XIRP2: variants seen among roughly 807,000 people sequenced by gnomAD.
XIRP2 encodes the protein xin actin-binding repeat-containing protein 2.
Under a neutral mutation model 277.0 loss-of-function variants are expected in XIRP2, and 236 were observed. The ratio of observed to expected loss-of-function variants is 0.85; its 90% CI spans 0.77 to 0.95. The LOEUF is 0.95. Ranked by LOEUF, XIRP2 falls within the 40% of genes least tolerant of loss-of-function variation. The pLI, the probability that XIRP2 is intolerant of heterozygous loss-of-function variation, is 0.00. For synonymous variants in XIRP2, 1,490 were observed against 1,416.5 expected (o/e 1.05, Z -1.17); for missense variants, 4,640 against 4,157.5 (o/e 1.12, Z -3.19).
intron 2 of XIRP2, among the ~76,000 whole-genome samples, chr2:167,083,940 C>G (rs1397907336): frequency 6.6e-6 from 1 of 151,302 alleles, no homozygotes; most frequent in African/African-American, 2.4e-5. Context: ...ATTTCCTTCT[C>G]CTGCCTAATT....
In XIRP2 at chr2:167,077,937, A is replaced by G. The variant is rs1689618312; in HGVS notation, c.409-57972A>G. ...GCCTCTGGCTTTTTTCTTTTTGCTT[A>G]GGATTGCTTCGGCTATTTGGGCTTT... On this transcript the variant is annotated intron_variant, in intron 2 of 10. Transcript: ENST00000409195. Among the ~76,000 whole-genome samples the G allele has an allele frequency of 6.6e-5, 10 of 152,330 alleles. No homozygotes were observed. The South Asian group carries it at 2.1e-3, about 32-fold the overall frequency.
chr2:167,097,122 T>C (rs1008079828), intron 2 of XIRP2, among the ~76,000 whole-genome samples: 1 of 152,178 alleles, frequency 6.6e-6, no homozygotes, highest in Non-Finnish European at 1.5e-5. Context: ...GCCTCTTTGA[T>C]CTGTCTAATA....
At chr2:166,913,132 G>A (rs1354123870) in intron 2 of XIRP2, among the ~76,000 whole-genome samples, 1 of 152,152 alleles carries the variant, frequency 6.6e-6, no homozygotes, top group Non-Finnish European at 1.5e-5. Flanking sequence ...CTTCAAAGCT[G>A]TCAGACAGGG....
chr2:167,252,205 G>A (rs1180703271), intron 9 of XIRP2, among the ~76,000 whole-genome samples: 1 of 151,980 alleles, frequency 6.6e-6, no homozygotes, highest in Non-Finnish European at 1.5e-5. Flanking sequence ...GGACATATTT[G>A]TCAAGGTAAA....
chr2:166,940,480 T>C (rs1332472126), intron 2 of XIRP2, among the ~76,000 whole-genome samples: 1 of 152,246 alleles, frequency 6.6e-6, no homozygotes, highest in African/African-American at 2.4e-5. Flanking sequence ...TTTGTTCTGT[T>C]GCTGGCGAGG....
chr2:167,053,710 AAAGT>A (rs1365336318), intron 2 of XIRP2, among the ~76,000 whole-genome samples: 1 of 152,200 alleles, frequency 6.6e-6, no homozygotes, highest in African/African-American at 2.4e-5. Flanking sequence ...TGTTTTAGTC[AAAGT>A]AATTCTGTAT....
At chr2:167,129,696 C>T (rs978732843) in intron 2 of XIRP2, among the ~76,000 whole-genome samples, 1 of 151,794 alleles carries the variant, frequency 6.6e-6, no homozygotes, top group Non-Finnish European at 1.5e-5. Context: ...CATGGAGAAA[C>T]CCTGTCTCTA....
intron 5 of XIRP2, among the ~76,000 whole-genome samples, chr2:167,220,742 T>G (rs1380088656): frequency 6.6e-6 from 1 of 152,224 alleles, no homozygotes; most frequent in African/African-American, 2.4e-5. Context: ...GGATGCTGAT[T>G]GGCTTAGACC....
chr2:167,219,720 T>C lies in XIRP2; in HGVS notation c.858+1420T>C, dbSNP rs567377329. On this transcript the variant is annotated intron_variant, in intron 5 of 10. Transcript: ENST00000409195. ...ATTTTACGCTGGGTCTGGCATACTA[T>C]GTAAACAGTACTGCACAGACCAAAT... 6.0e-4 allele frequency among the ~76,000 whole-genome samples: 91 copies of C among 152,332 alleles called. 3 individuals are homozygous for C. In the South Asian group the frequency reaches 6.4e-3, roughly 11 times the overall value.
rs955878436 is a variant in XIRP2 at position 167,244,652 on chromosome 2, T to G, written c.3260T>G (p.Val1087Gly). ...ESKTEQTRDIVKGDVKTCKWL... is the reference protein window; with the variant it reads ...ESKTEQTRDIGKGDVKTCKWL... Reference sequence around the variant, plus strand: ...AAAACTGAACAAACTAGAGATATTGTTAAAGGGGATGTCAAAACCTGTAAA... The same window carrying G: ...AAAACTGAACAAACTAGAGATATTGGTAAAGGGGATGTCAAAACCTGTAAA... Residue 1087 changes from valine (V) to glycine (G), a missense_variant, in exon 9 of 11, where the codon GTT becomes GGT. Val to Gly is a moderately radical substitution (Grantham distance 109). Coordinates refer to ENST00000409195, the MANE Select transcript of XIRP2 (RefSeq NM_152381.6). 1.2e-6 allele frequency: 2 copies of G among 1,613,434 alleles called. No homozygotes were observed. Among genetic ancestry groups the G allele is most frequent in the Non-Finnish European group, 1.7e-6 (2 of 1,179,670 alleles).
intron 2 of XIRP2, among the ~76,000 whole-genome samples, chr2:167,030,629 C>T (rs545999484): frequency 5.9e-4 from 89 of 152,082 alleles, no homozygotes; most frequent in South Asian, 1.0e-3. Flanking sequence ...TTTACTTTGA[C>T]TTATGTGATC....
At chr2:167,177,298 G>C (rs559115741) in intron 3 of XIRP2, among the ~76,000 whole-genome samples, 1 of 151,900 alleles carries the variant, frequency 6.6e-6, no homozygotes, top group African/African-American at 2.4e-5. Context: ...CTATAACCTT[G>C]GTTTTCAGAT....
chr2:167,061,053 T>G (rs1689161361), intron 2 of XIRP2, among the ~76,000 whole-genome samples: 1 of 152,150 alleles, frequency 6.6e-6, no homozygotes, highest in African/African-American at 2.4e-5. Flanking sequence ...TTTATAGTAT[T>G]AAAGCATACA....
chr2:167,160,560 G>T (rs1692333706), intron 3 of XIRP2, among the ~76,000 whole-genome samples: 1 of 152,178 alleles, frequency 6.6e-6, no homozygotes, highest in African/African-American at 2.4e-5. Context: ...AAGAGAGCTT[G>T]TGCAGGGAAA....
intron 2 of XIRP2, among the ~76,000 whole-genome samples, chr2:167,087,564 T>C (rs1247390084): frequency 6.6e-6 from 1 of 152,142 alleles, no homozygotes; most frequent in Non-Finnish European, 1.5e-5. Context: ...TGCAGTTTGA[T>C]CTCAGACTGC....
At chr2:167,108,562 A>AT (rs1690666983) in intron 2 of XIRP2, among the ~76,000 whole-genome samples, 1 of 151,944 alleles carries the variant, frequency 6.6e-6, no homozygotes, top group South Asian at 2.1e-4. Context: ...AGTTGAATGT[A>AT]TTTTTTAAAG....
intron 3 of XIRP2, among the ~76,000 whole-genome samples, chr2:167,149,582 A>T (rs1402097969): frequency 6.6e-6 from 1 of 152,124 alleles, no homozygotes; most frequent in East Asian, 1.9e-4. Flanking sequence ...ATTAGAAGAA[A>T]AATTCGATCT....
At chr2:167,217,628 C>T (rs1241226856) in intron 4 of XIRP2, among the ~76,000 whole-genome samples, 1 of 152,154 alleles carries the variant, frequency 6.6e-6, no homozygotes, top group Non-Finnish European at 1.5e-5. Context: ...TCATTTAATA[C>T]ATACAAAATC....
At chr2:166,918,041 G>A (rs1199453092) in intron 2 of XIRP2, among the ~76,000 whole-genome samples, 2 of 151,956 alleles carry the variant, frequency 1.3e-5, no homozygotes, top group African/African-American at 4.8e-5. Flanking sequence ...ACAGATTTTT[G>A]GCAGGAATAC....
Sources: gnomAD v4.1 joint callset for allele counts (sites outside exome capture counted in the v4.1 genomes callset) on GRCh38, gnomAD v4.1.1 for gene constraint, MANE v1.5 for transcripts, NCBI Gene and HGNC (gene_info 2026-07-23, HGNC 2026-07-21) for gene names.